The following DYNLL1 variants were observed in gnomAD, a reference collection of about 807,000 sequenced individuals.
The protein encoded by DYNLL1 is dynein light chain LC8-type 1.
A neutral mutation model predicts 10.1 loss-of-function variants in DYNLL1; 3 were observed. The ratio of observed to expected loss-of-function variants is 0.30; its 90% CI spans 0.14 to 0.77. The LOEUF is 0.77. Ranked by LOEUF, DYNLL1 falls within the 30% of genes least tolerant of loss-of-function variation. The pLI is 0.66. For synonymous variants in DYNLL1, 46 were observed against 41.2 expected (o/e 1.12, Z -0.45); for missense variants, 47 against 111.7 (o/e 0.42, Z 2.61).
At chr12:120,490,313 A>G (rs1051148448) in intron 1 of DYNLL1, 1 of 152,230 alleles carries the variant, frequency 6.6e-6, no homozygotes, top group Admixed American at 6.5e-5. Context: ...TCTTGATGCC[A>G]GAAATCAGAT....
chr12:120,491,596 G>C (rs1216213527), upstream of DYNLL1: 3 of 152,518 alleles, frequency 2.0e-5, no homozygotes, highest in African/African-American at 7.2e-5. Flanking sequence ...GACTGGGCTG[G>C]GAACAGAGTG....
chr12:120,486,415 T>C (rs1461477932), intron 1 of DYNLL1, among the ~76,000 whole-genome samples: 1 of 152,136 alleles, frequency 6.6e-6, no homozygotes, highest in Non-Finnish European at 1.5e-5. Flanking sequence ...GAAAAACAAC[T>C]TCTTTGCATT....
intron 1 of DYNLL1, among the ~76,000 whole-genome samples, chr12:120,479,474 T>TA (rs1878837745): frequency 1.0e-5 from 1 of 100,162 alleles, no homozygotes; most frequent in African/African-American, 3.5e-5. Context: ...AAAAAAATAA[T>TA]AATAATAATA....
intron 1 of DYNLL1, among the ~76,000 whole-genome samples, chr12:120,480,389 CAA>C (rs1057152243): frequency 1.1e-4 from 17 of 152,186 alleles, no homozygotes; most frequent in Non-Finnish European, 2.1e-4. Context: ...GCAGAGGGGA[CAA>C]AGTGTCTGCC....
chr12:120,474,236 G>A (rs969129821), intron 1 of DYNLL1, among the ~76,000 whole-genome samples: 3 of 151,812 alleles, frequency 2.0e-5, no homozygotes, highest in African/African-American at 7.3e-5. Flanking sequence ...GGAGGCAGAG[G>A]TTGCAGTGAG....
intron 1 of DYNLL1, chr12:120,490,748 G>T (rs1470355096): frequency 6.6e-6 from 1 of 152,130 alleles, no homozygotes; most frequent in Non-Finnish European, 1.5e-5. Flanking sequence ...GAGGCCAGGG[G>T]TGCTGTTAAA....
intron 1 of DYNLL1, among the ~76,000 whole-genome samples, chr12:120,484,504 T>A (rs1478926720): frequency 1.3e-5 from 2 of 152,238 alleles, no homozygotes; most frequent in African/African-American, 4.8e-5. Context: ...TTTAACATTA[T>A]CTTTGAGTTG....
At chr12:120,496,316 G>A (rs1470468052) in intron 1 of DYNLL1, 100 bp downstream of exon 1, 6 of 1,502,780 alleles carry the variant, frequency 4.0e-6, no homozygotes, top group Non-Finnish European at 5.4e-6. Context: ...GAAGTGGGGT[G>A]GGGGGCGTCG....
At chr12:120,487,738 T>C (rs1879030665) in intron 1 of DYNLL1, among the ~76,000 whole-genome samples, 1 of 152,144 alleles carries the variant, frequency 6.6e-6, no homozygotes, top group African/African-American at 2.4e-5. Context: ...GCAACCCAGA[T>C]GTCCGTTATC....
intron 1 of DYNLL1, among the ~76,000 whole-genome samples, chr12:120,470,469 CTTTT>C (rs1293257543): frequency 6.6e-6 from 1 of 152,084 alleles, no homozygotes; most frequent in East Asian, 1.9e-4. Context: ...CACCAGAAGA[CTTTT>C]TGTTTGTTTT....
intron 2 of DYNLL1, 170 bp downstream of exon 2, chr12:120,496,723 A>G (rs2137071624): frequency 2.0e-6 from 2 of 982,264 alleles, no homozygotes; most frequent in East Asian, 5.3e-5. Context: ...GGAGAAGACC[A>G]GACCCCCGGC....
rs529610397 is a variant in DYNLL1, at chr12:120,486,892, C to G, written c.-6-9524C>G. 1.2e-3 allele frequency among the ~76,000 whole-genome samples: 178 copies of G among 152,138 alleles called. 2 individuals carry two copies. Among genetic ancestry groups the G allele is most frequent in the African/African-American group, 4.0e-3 (166 of 41,504 alleles). On this transcript the variant is annotated intron_variant, in intron 1 of 2. Coordinates refer to the DYNLL1 transcript ENST00000392509. ...CTGCCCACTTCAGTGGCCCTCTGATCATATGAATCCCTACCCACTACCTTT... is the reference window on the plus strand; with the variant it reads ...CTGCCCACTTCAGTGGCCCTCTGATGATATGAATCCCTACCCACTACCTTT...
At chr12:120,470,842 C>A (rs1195331275) in intron 1 of DYNLL1, among the ~76,000 whole-genome samples, 1 of 152,004 alleles carries the variant, frequency 6.6e-6, no homozygotes, top group Non-Finnish European at 1.5e-5. Context: ...GTCAGTAGTT[C>A]GAGACTAGCC....
chr12:120,488,183 G>C (rs1303215766), intron 1 of DYNLL1: 3 of 152,158 alleles, frequency 2.0e-5, no homozygotes, highest in Non-Finnish European at 2.9e-5. Flanking sequence ...CAAAGGTCTG[G>C]CTTCTCCCCA....
chr12:120,494,684 G>A (rs1345791301), upstream of DYNLL1, among the ~76,000 whole-genome samples: 1 of 152,072 alleles, frequency 6.6e-6, no homozygotes, highest in African/African-American at 2.4e-5. Context: ...TCCAACTACT[G>A]AGCTCAAGCG....
chr12:120,480,122 C>G (rs896899116), intron 1 of DYNLL1, among the ~76,000 whole-genome samples: 32 of 152,016 alleles, frequency 2.1e-4, no homozygotes, highest in Non-Finnish European at 7.4e-5. Context: ...CCAATCATCC[C>G]TCCTTGTGTG....
At chr12:120,493,165 A>G (rs953407994), upstream of DYNLL1, among the ~76,000 whole-genome samples, 1 of 152,170 alleles carries the variant, frequency 6.6e-6, no homozygotes, top group African/African-American at 2.4e-5. Flanking sequence ...TAATATTTAT[A>G]TTTTATAGTT....
upstream of DYNLL1, chr12:120,491,401 AG>A (rs1315216893): frequency 5.2e-5 from 8 of 152,552 alleles, no homozygotes; most frequent in African/African-American, 1.9e-4. Context: ...ATTCAGACCT[AG>A]GCCTTGCAAT....
intron 1 of DYNLL1, among the ~76,000 whole-genome samples, chr12:120,477,982 G>C (rs1171526372): frequency 6.6e-6 from 1 of 151,824 alleles, no homozygotes; most frequent in African/African-American, 2.4e-5. Flanking sequence ...AGTAGGGACA[G>C]GGTTAAGCCA....
Sources: gnomAD v4.1 joint callset for allele counts (sites outside exome capture counted in the v4.1 genomes callset) on GRCh38, gnomAD v4.1.1 for gene constraint, MANE v1.5 for transcripts, NCBI Gene and HGNC (gene_info 2026-07-23, HGNC 2026-07-21) for gene names.